ERICH3: variants seen among roughly 807,000 people sequenced by gnomAD.
ERICH3 encodes glutamate rich 3.
ERICH3 carries 126 observed loss-of-function variants against 131.1 expected under a neutral mutation model. That is an observed-to-expected ratio of 0.96 (90% CI 0.83 to 1.11). The LOEUF is 1.11. Ranked by LOEUF, ERICH3 falls within the 50% of genes most tolerant of loss-of-function variation. The pLI is 0.00. For missense variants in ERICH3, 2,050 were observed against 1,810.7 expected (o/e 1.13, Z -2.40); for synonymous variants, 695 against 644.6 (o/e 1.08, Z -1.18).
chr1:74,651,875 A>G (rs1163061784), intron 1 of ERICH3, among the ~76,000 whole-genome samples: 5 of 152,118 alleles, frequency 3.3e-5, no homozygotes, highest in Admixed American at 3.3e-4. Flanking sequence ...CCTAATAACA[A>G]TTGCTTAGCC....
chr1:74,641,575 G>T (rs569990296), intron 4 of ERICH3, 116 bp from the exon 5 acceptor site: 64 of 1,264,894 alleles, frequency 5.1e-5, no homozygotes, highest in Admixed American at 4.4e-4. Context: ...TTTCTTCCAA[G>T]AGTTACTTTT....
Position 74,636,348 on chromosome 1 carries a change from G to C in ERICH3, c.535C>G (p.Pro179Ala), listed in dbSNP as rs758911412. ...GATCTGGACCTTGAAGTTACCTTTG[G>C]AACAGTTTCTACTGCAGGATTACTG... ...LPSNPAVETV[P>A]KVTSRSRSKT... Residue 179 changes from proline (P) to alanine (A), a missense_variant, in exon 6 of 15, where the codon CCA (proline) becomes GCA (alanine). By Grantham distance (27) the Pro-to-Ala change is conservative. Coordinates refer to ENST00000326665, the MANE Select transcript of ERICH3 (RefSeq NM_001002912.5). 1.9e-6 allele frequency: 3 copies of C among 1,612,986 alleles called. No homozygotes were observed.
intron 13 of ERICH3, among the ~76,000 whole-genome samples, chr1:74,576,213 C>A (rs1442380830): frequency 6.6e-6 from 1 of 152,156 alleles, no homozygotes; most frequent in Non-Finnish European, 1.5e-5. Flanking sequence ...TAGCATAGTG[C>A]CTGGCATAAA....
intron 1 of ERICH3, among the ~76,000 whole-genome samples, chr1:74,671,402 C>T (rs914973794): frequency 2.0e-5 from 3 of 152,176 alleles, no homozygotes; most frequent in African/African-American, 7.2e-5. Context: ...TTATTACACC[C>T]CCTTCCCTTT....
intron 3 of ERICH3, among the ~76,000 whole-genome samples, chr1:74,644,086 A>G (rs1646459952): frequency 6.6e-6 from 1 of 151,910 alleles, no homozygotes; most frequent in Admixed American, 6.6e-5. Flanking sequence ...AATTAATTAG[A>G]CATATTTGAG....
chr1:74,609,627 C>A (rs2100592783), intron 9 of ERICH3, among the ~76,000 whole-genome samples: 1 of 152,070 alleles, frequency 6.6e-6, no homozygotes, highest in South Asian at 2.1e-4. Flanking sequence ...CCATTTAAAC[C>A]AGTCTGACTC....
chr1:74,587,472 T>C (rs1647390645), intron 12 of ERICH3, among the ~76,000 whole-genome samples: 2 of 152,122 alleles, frequency 1.3e-5, no homozygotes, highest in Admixed American at 1.3e-4. Context: ...TTTCCCAATA[T>C]ATTTGAGAAA....
At chr1:74,636,911 G>C (rs1394863304) in intron 5 of ERICH3, among the ~76,000 whole-genome samples, 1 of 152,056 alleles carries the variant, frequency 6.6e-6, no homozygotes, top group African/African-American at 2.4e-5. Flanking sequence ...TGAAGTAAAA[G>C]CAGACAGTAT....
At chr1:74,579,997 T>C (rs1368947600) in intron 12 of ERICH3, 2 of 618,082 alleles carry the variant, frequency 3.2e-6, no homozygotes, top group African/African-American at 4.0e-5. Flanking sequence ...CAATGTCAGC[T>C]TTTTAGTATA....
chr1:74,629,190 T>C (rs1437216209), intron 7 of ERICH3, among the ~76,000 whole-genome samples: 11 of 150,988 alleles, frequency 7.3e-5, no homozygotes, highest in Non-Finnish European at 1.3e-4. Flanking sequence ...AATTGAAACA[T>C]GGCAGGAGAA....
chr1:74,604,213 A>G (rs1321586128), intron 10 of ERICH3, among the ~76,000 whole-genome samples: 1 of 151,880 alleles, frequency 6.6e-6, no homozygotes, highest in South Asian at 2.1e-4. Flanking sequence ...CTCCTTATCT[A>G]TTCAAGTTTT....
intron 1 of ERICH3, among the ~76,000 whole-genome samples, chr1:74,651,035 A>G (rs1646529635): frequency 6.6e-6 from 1 of 152,116 alleles, no homozygotes; most frequent in Non-Finnish European, 1.5e-5. Flanking sequence ...TGCATACTCT[A>G]TTACTGGCAA....
rs1006857765 is a variant in ERICH3 at position 74,612,654 on chromosome 1, C to A, written c.1156G>T (p.Val386Leu). The change falls in exon 9 of 15, where the codon GTG (valine) becomes TTG (leucine). Residue 386 changes from valine (V) to leucine (L), a missense_variant. Val to Leu is a conservative substitution (Grantham distance 32). Transcript: ENST00000326665. Reference protein sequence around the residue: ...LGGKRGYFGFVCVERSSPCYK... With the variant: ...LGGKRGYFGFLCVERSSPCYK... ...CAAGGAGATGATCTCTCAACACACA[C>A]AAACCCAAAGTAGCCTCGTTTGCCT... 1.3e-6 allele frequency: 2 copies of A among 1,586,108 alleles called. No individual in the cohort carries two copies. Among genetic ancestry groups the A allele is most frequent in the Non-Finnish European group, 8.6e-7 (1 of 1,158,864 alleles).
intron 7 of ERICH3, among the ~76,000 whole-genome samples, chr1:74,629,649 A>T (rs1373055859): frequency 1.3e-5 from 2 of 152,108 alleles, no homozygotes; most frequent in Non-Finnish European, 2.9e-5. Context: ...TCTGGCTCAC[A>T]CTAGGACCTC....
At chr1:74,629,934 A>G (rs901572758) in intron 7 of ERICH3, among the ~76,000 whole-genome samples, 4 of 152,180 alleles carry the variant, frequency 2.6e-5, no homozygotes, top group Non-Finnish European at 1.5e-5. Context: ...ATGATGGGGC[A>G]GGAAAAAGGG....
chr1:74,636,102 G>A (rs990589007), intron 6 of ERICH3, among the ~76,000 whole-genome samples, 178 bp downstream of exon 6: 4 of 152,048 alleles, frequency 2.6e-5, no homozygotes, highest in Non-Finnish European at 5.9e-5. Flanking sequence ...ACAAATTACA[G>A]GCCTTCCCAT....
chr1:74,585,214 T>A (rs1012182277), intron 12 of ERICH3, among the ~76,000 whole-genome samples: 1 of 152,184 alleles, frequency 6.6e-6, no homozygotes, highest in African/African-American at 2.4e-5. Context: ...GCATGACAGC[T>A]TAAGCTGAAA....
chr1:74,626,435 G>A (rs1222684405), intron 7 of ERICH3, among the ~76,000 whole-genome samples: 1 of 152,144 alleles, frequency 6.6e-6, no homozygotes, highest in Non-Finnish European at 1.5e-5. Flanking sequence ...TCATGGAAAA[G>A]TCTCAAACTA....
Position 74,576,880 on chromosome 1 carries a change from A to G in ERICH3, c.2218+15T>C, listed in dbSNP as rs1267117515. 4 of 1,594,270 alleles carry G rather than the reference A, an allele frequency of 2.5e-6. No homozygotes were observed. The East Asian group carries it at 6.7e-5, about 27-fold the overall frequency. On this transcript the variant is annotated intron_variant, in intron 13 of 14. Coordinates refer to ENST00000326665, the MANE Select transcript of ERICH3 (RefSeq NM_001002912.5). ...GGATCACTCTAATTGGACCTCTTGC[A>G]GATGGAATACTTACCACCAAGAGCC...
Sources: allele counts gnomAD v4.1 joint callset (sites outside exome capture counted in the v4.1 genomes callset), GRCh38; gene constraint gnomAD v4.1.1; transcripts MANE v1.5; gene names NCBI Gene and HGNC (gene_info 2026-07-23, HGNC 2026-07-21).